The following PSD3 variants were observed in gnomAD, a reference collection of about 807,000 sequenced individuals.
PSD3 encodes PH and SEC7 domain-containing protein 3.
In PSD3, 49 loss-of-function variants were observed where a neutral mutation model predicts 105.5. The ratio of observed to expected loss-of-function variants is 0.46; its 90% CI spans 0.37 to 0.59. PSD3 has a LOEUF of 0.59. Ranked by LOEUF, PSD3 falls within the 20% of genes least tolerant of loss-of-function variation. The pLI is 0.00. For missense variants in PSD3, 1,561 were observed against 1,263.8 expected (o/e 1.24, Z -3.57); for synonymous variants, 557 against 457.8 (o/e 1.22, Z -2.77).
chr8:18,621,698 G>C (rs907870336), intron 11 of PSD3, among the ~76,000 whole-genome samples: 1 of 151,988 alleles, frequency 6.6e-6, no homozygotes, highest in African/African-American at 2.4e-5. Context: ...AAACTGCTCC[G>C]TTACACACCC....
intron 9 of PSD3, among the ~76,000 whole-genome samples, chr8:18,750,596 T>A (rs889839944): frequency 7.2e-5 from 11 of 152,142 alleles, no homozygotes; most frequent in African/African-American, 2.7e-4. Context: ...GGGTTGCCAC[T>A]GCTGGCTCCG....
chr8:18,691,242 A>C lies in PSD3; in HGVS notation c.2173-35557T>G, dbSNP rs535324393. Among the ~76,000 whole-genome samples, 55 of 152,338 alleles carry C rather than the reference A, an allele frequency of 3.6e-4. No homozygotes were observed. In the South Asian group the frequency reaches 8.5e-3, roughly 24 times the overall value. ...GTTAAACAGTTTTGAACCTGGAAAA[A>C]AACCTCATTTTTTCCCCCTCATGAA... On this transcript the variant is annotated intron_variant, in intron 9 of 15. Transcript: ENST00000327040.
intron 1 of PSD3, among the ~76,000 whole-genome samples, chr8:18,987,083 G>T (rs1466528051): frequency 6.6e-6 from 1 of 152,032 alleles, no homozygotes; most frequent in Non-Finnish European, 1.5e-5. Context: ...AACATACTAT[G>T]CATAATAGTG....
At chr8:19,065,368 A>G (rs149030347) in intron 1 of PSD3, among the ~76,000 whole-genome samples, 9 of 152,302 alleles carry the variant, frequency 5.9e-5, no homozygotes, top group Non-Finnish European at 1.2e-4. Flanking sequence ...GTGTCCTCCA[A>G]TTAAATTCTG....
At chr8:18,591,243 GC>G (rs781649065) in intron 12 of PSD3, among the ~76,000 whole-genome samples, 3 of 152,130 alleles carry the variant, frequency 2.0e-5, no homozygotes, top group Non-Finnish European at 2.9e-5. Flanking sequence ...GAATGCCCTG[GC>G]CCCTGACATC....
chr8:18,975,339 A>G (rs1383136598), intron 1 of PSD3, among the ~76,000 whole-genome samples: 1 of 147,864 alleles, frequency 6.8e-6, no homozygotes, highest in East Asian at 2.0e-4. Context: ...TTTTTTGCCA[A>G]TATGTACCAT....
intron 4 of PSD3, among the ~76,000 whole-genome samples, chr8:18,824,843 G>T (rs1323756761): frequency 6.6e-6 from 1 of 152,126 alleles, no homozygotes; most frequent in African/African-American, 2.4e-5. Context: ...CAGCGTGCCA[G>T]GGCATACACG....
At chr8:18,710,438 A>G (rs1296746176) in intron 9 of PSD3, among the ~76,000 whole-genome samples, 1 of 152,234 alleles carries the variant, frequency 6.6e-6, no homozygotes, top group Admixed American at 6.5e-5. Context: ...GTCATCCAGG[A>G]GAACTTCCCC....
At chr8:18,715,842 T>C (rs1802549927) in intron 9 of PSD3, among the ~76,000 whole-genome samples, 1 of 152,234 alleles carries the variant, frequency 6.6e-6, no homozygotes, top group Non-Finnish European at 1.5e-5. Flanking sequence ...ATCCAACGCA[T>C]ATTTACTGAG....
chr8:18,776,165 G>C (rs116554262), intron 8 of PSD3, among the ~76,000 whole-genome samples: 1,694 of 151,038 alleles, frequency 0.011, 28 homozygotes, highest in African/African-American at 0.039. Flanking sequence ...TAAATGCATG[G>C]ATTTCTAGGT....
intron 1 of PSD3, among the ~76,000 whole-genome samples, chr8:18,954,645 A>G (rs1426295642): frequency 6.6e-6 from 1 of 152,162 alleles, no homozygotes; most frequent in Non-Finnish European, 1.5e-5. Context: ...GGATGCACAA[A>G]GTAACATCCT....
At chr8:18,666,463 G>C (rs947427521) in intron 9 of PSD3, among the ~76,000 whole-genome samples, 1 of 152,156 alleles carries the variant, frequency 6.6e-6, no homozygotes, top group African/African-American at 2.4e-5. Flanking sequence ...GTATCTCCAA[G>C]GTCTGCCTGT....
intron 15 of PSD3, among the ~76,000 whole-genome samples, chr8:18,547,462 A>C (rs1245392219): frequency 6.6e-6 from 1 of 152,156 alleles, no homozygotes; most frequent in Admixed American, 6.5e-5. Context: ...TCAAGGGGGT[A>C]GTCCCTCTTG....
intron 9 of PSD3, among the ~76,000 whole-genome samples, chr8:18,750,575 G>A (rs1216158271): frequency 6.6e-6 from 1 of 152,036 alleles, no homozygotes. Flanking sequence ...AGTGTGGAAG[G>A]GGACCCGAGT....
intron 9 of PSD3, among the ~76,000 whole-genome samples, chr8:18,739,881 G>A (rs769999918): frequency 2.0e-5 from 3 of 152,118 alleles, no homozygotes; most frequent in Non-Finnish European, 2.9e-5. Flanking sequence ...TCTAATATTT[G>A]TAAAGAATAT....
At chr8:18,694,847 G>T (rs559790167) in intron 9 of PSD3, among the ~76,000 whole-genome samples, 24 of 152,032 alleles carry the variant, frequency 1.6e-4, no homozygotes, top group African/African-American at 5.5e-4. Flanking sequence ...TCTGATAAAT[G>T]AAACTGTTTT....
At chr8:18,754,311 G>T (rs1805847999) in intron 9 of PSD3, among the ~76,000 whole-genome samples, 1 of 152,156 alleles carries the variant, frequency 6.6e-6, no homozygotes, top group South Asian at 2.1e-4. Flanking sequence ...TTGAACCTGG[G>T]AGGCACAGGT....
intron 9 of PSD3, among the ~76,000 whole-genome samples, chr8:18,723,767 T>C (rs1278834552): frequency 2.0e-5 from 3 of 152,228 alleles, no homozygotes. Flanking sequence ...GCCAAGTACA[T>C]AAAAATAAAT....
intron 1 of PSD3, among the ~76,000 whole-genome samples, chr8:19,074,908 C>T (rs1361895410): frequency 6.6e-6 from 1 of 151,274 alleles, no homozygotes; most frequent in Non-Finnish European, 1.5e-5. Context: ...GAGTGAGCCA[C>T]CGTGCCCGGC....
Sources: gnomAD v4.1 joint callset for allele counts (sites outside exome capture counted in the v4.1 genomes callset) on GRCh38, gnomAD v4.1.1 for gene constraint, MANE v1.5 for transcripts, NCBI Gene and HGNC (gene_info 2026-07-23, HGNC 2026-07-21) for gene names.